RIMS2: variants seen among roughly 807,000 people sequenced by gnomAD.
RIMS2 encodes the protein regulating synaptic membrane exocytosis protein 2.
A neutral mutation model predicts 174.4 loss-of-function variants in RIMS2; 59 were observed. That is an observed-to-expected ratio of 0.34 (90% CI 0.27 to 0.42). RIMS2 has a LOEUF of 0.42. RIMS2 is among the 10% of genes least tolerant of loss of function. The pLI is 1.00. For synonymous variants in RIMS2, 606 were observed against 572.5 expected, an observed-to-expected ratio of 1.06 and a Z score of -0.84; for missense variants, 1,620 against 1,666.3, an observed-to-expected ratio of 0.97 and a Z score of 0.48.
intron 19 of RIMS2, among the ~76,000 whole-genome samples, chr8:104,189,355 C>T (rs1354271762): frequency 6.6e-6 from 1 of 151,734 alleles, no homozygotes; most frequent in African/African-American, 2.4e-5. Flanking sequence ...ATCATTAGCC[C>T]TTTGTCATCA....
chr8:103,885,735 A>T (rs1466673904), exon 4 of RIMS2: 11 of 1,612,992 alleles, frequency 6.8e-6, no homozygotes, highest in Non-Finnish European at 8.5e-6. Context: ...GCTGATCTGG[A>T]AGATTCCAGG....
chr8:103,583,105 A>T (rs184403695), intron 1 of RIMS2, among the ~76,000 whole-genome samples: 1 of 152,132 alleles, frequency 6.6e-6, no homozygotes, highest in African/African-American at 2.4e-5. Context: ...GAGACACTTT[A>T]TGTTTGGGAG....
chr8:103,987,971 T>C (rs2094467563), intron 16 of RIMS2, among the ~76,000 whole-genome samples: 1 of 152,184 alleles, frequency 6.6e-6, no homozygotes, highest in Non-Finnish European at 1.5e-5. Flanking sequence ...TTACTTCCTA[T>C]AATAAAGATA....
chr8:103,764,147 G>T (rs2098141613), intron 2 of RIMS2, among the ~76,000 whole-genome samples: 1 of 152,120 alleles, frequency 6.6e-6, no homozygotes, highest in South Asian at 2.1e-4. Context: ...TAAGTAACCT[G>T]CTTACCTTGT....
intron 4 of RIMS2, among the ~76,000 whole-genome samples, chr8:103,891,036 A>G (rs916759896): frequency 1.3e-5 from 2 of 151,960 alleles, no homozygotes; most frequent in African/African-American, 4.8e-5. Flanking sequence ...ATCCCCAGAC[A>G]TTACAAAATA....
intron 1 of RIMS2, among the ~76,000 whole-genome samples, chr8:103,644,113 G>A (rs2096280927): frequency 6.6e-6 from 1 of 151,334 alleles, no homozygotes; most frequent in African/African-American, 2.4e-5. Flanking sequence ...TAATACTTAT[G>A]CAAGTGTGTT....
In RIMS2 at chr8:104,159,051, C is replaced by G. The variant is rs529551501; in HGVS notation, c.3335-85865C>G. Among the ~76,000 whole-genome samples the G allele has an allele frequency of 5.9e-5, 9 of 152,198 alleles. 1 individual carries two copies. The South Asian group carries it at 1.9e-3, about 32-fold the overall frequency. On this transcript the variant is annotated intron_variant, in intron 19 of 23. Coordinates refer to ENST00000504942, the Ensembl canonical transcript of RIMS2. ...TAGGTCTTACATTTAAGTCTCTAAT[C>G]CATCTTGAGTTAATTTTTGTATAAG...
chr8:103,839,390 G>A (rs1468461000), intron 3 of RIMS2, among the ~76,000 whole-genome samples: 1 of 152,118 alleles, frequency 6.6e-6, no homozygotes, highest in Non-Finnish European at 1.5e-5. Flanking sequence ...CTAAATTAAG[G>A]AGGATCACCT....
intron 19 of RIMS2, among the ~76,000 whole-genome samples, chr8:104,095,895 G>A (rs533279373): frequency 1.4e-4 from 21 of 152,108 alleles, no homozygotes; most frequent in African/African-American, 4.8e-4. Flanking sequence ...TGATTTAGCC[G>A]ATGTCCCTTC....
chr8:103,601,949 A>G (rs2094769864), intron 1 of RIMS2, among the ~76,000 whole-genome samples: 1 of 151,006 alleles, frequency 6.6e-6, no homozygotes, highest in African/African-American at 2.4e-5. Context: ...CTAGCCTTTA[A>G]CTTCATCTTC....
chr8:103,967,705 C>T (rs1044287700), intron 15 of RIMS2, among the ~76,000 whole-genome samples: 2 of 152,140 alleles, frequency 1.3e-5, no homozygotes, highest in African/African-American at 4.8e-5. Flanking sequence ...TTTTGATACT[C>T]TCTTGTTAGA....
chr8:104,000,156 T>C (rs1056163398), intron 17 of RIMS2, among the ~76,000 whole-genome samples: 2 of 151,584 alleles, frequency 1.3e-5, no homozygotes, highest in Non-Finnish European at 3.0e-5. Flanking sequence ...CCTTTGTTTT[T>C]TTAAAAAATA....
chr8:103,816,488 A>T (rs965539154), intron 3 of RIMS2, among the ~76,000 whole-genome samples: 1 of 152,218 alleles, frequency 6.6e-6, no homozygotes, highest in African/African-American at 2.4e-5. Flanking sequence ...AAGATATTAA[A>T]CATTTTTTCA....
chr8:103,956,137 T>C (rs1187851502), intron 14 of RIMS2, among the ~76,000 whole-genome samples: 1 of 152,168 alleles, frequency 6.6e-6, no homozygotes, highest in Non-Finnish European at 1.5e-5. Flanking sequence ...TCCATGCTCA[T>C]GGATAGGAAG....
chr8:103,513,271 C>T (rs941010170), intron 1 of RIMS2, among the ~76,000 whole-genome samples: 7 of 152,028 alleles, frequency 4.6e-5, no homozygotes, highest in South Asian at 2.1e-4. Flanking sequence ...GGATAGAAAA[C>T]GAGATTTAGA....
At chr8:104,064,771 A>G (rs899085350) in intron 19 of RIMS2, among the ~76,000 whole-genome samples, 6 of 152,046 alleles carry the variant, frequency 3.9e-5, no homozygotes, top group African/African-American at 1.4e-4. Flanking sequence ...TATATTTACA[A>G]ACATGTAAAA....
chr8:103,583,249 A>T (rs1045015679), intron 1 of RIMS2, among the ~76,000 whole-genome samples: 5 of 152,232 alleles, frequency 3.3e-5, no homozygotes, highest in Non-Finnish European at 7.3e-5. Flanking sequence ...TCTCTAAAAC[A>T]GATAAAGCTT....
Position 104,095,065 on chromosome 8 carries a change from A to G in RIMS2, c.3334+80450A>G, listed in dbSNP as rs184537138. 1.3e-3 allele frequency among the ~76,000 whole-genome samples: 204 copies of G among 152,284 alleles called. 2 individuals carry two copies. The highest frequency in any genetic ancestry group is 0.012 in the Admixed American group (177 of 15,286). ...AGGTCTAATAAAGATCATTGAAAAG[A>G]GAAACTTGAAAATTCTTTACCAATA... On this transcript the variant is annotated intron_variant, in intron 19 of 23. Coordinates refer to ENST00000504942, the Ensembl canonical transcript of RIMS2.
At chr8:103,767,228 A>G (rs935226281) in intron 3 of RIMS2, among the ~76,000 whole-genome samples, 1 of 147,938 alleles carries the variant, frequency 6.8e-6, no homozygotes, top group African/African-American at 2.5e-5. Flanking sequence ...TCGCTCTGTC[A>G]TCAGGCTGGA....
Sources: allele counts gnomAD v4.1 joint callset (sites outside exome capture counted in the v4.1 genomes callset), GRCh38; gene constraint gnomAD v4.1.1; transcripts MANE v1.5; gene names NCBI Gene and HGNC (gene_info 2026-07-23, HGNC 2026-07-21).